Variants in HTR6 observed in about 807,000 individuals in gnomAD.
HTR6 encodes the protein 5-hydroxytryptamine (serotonin) receptor 6, G protein-coupled.
A neutral mutation model predicts 17.4 loss-of-function variants in HTR6; 15 were observed. The observed-to-expected ratio is 0.86, with a 90% CI of 0.58 to 1.33. The LOEUF (loss-of-function observed/expected upper bound fraction) is 1.33. Among genes scored for constraint, HTR6 ranks in the 40% most tolerant of loss-of-function variants. HTR6 has a pLI of 0.00. For synonymous variants in HTR6, 326 were observed against 295.5 expected (o/e 1.10, Z -1.06); for missense variants, 578 against 616.0 (o/e 0.94, Z 0.65).
chr1:19,665,831 C>A lies in HTR6; in HGVS notation c.78C>A (p.Ser26Arg). 1 of 1,564,432 alleles carries A rather than the reference C, an allele frequency of 6.4e-7. No homozygotes were observed. Among genetic ancestry groups the A allele is most frequent in the South Asian group, 1.2e-5 (1 of 85,190 alleles). ...GAGPPSAPGGSGWVAAALCVV... is the reference protein window; with the variant it reads ...GAGPPSAPGGRGWVAAALCVV... ...GGCCGCCGTCGGCCCCGGGGGGCAG[C>A]GGCTGGGTGGCGGCCGCGCTGTGCG... Residue 26 changes from serine to arginine, a missense_variant, in exon 1 of 3, where the codon AGC becomes AGA. By Grantham distance (110) the Ser-to-Arg change is moderately radical. Transcript: ENST00000289753. This position sits in a 1 kb window ranked among gnomAD's most constrained non-coding sequence, Gnocchi z 4.2.
At chr1:19,676,234 G>T (rs560708327) in intron 1 of HTR6, among the ~76,000 whole-genome samples, 1 of 152,094 alleles carries the variant, frequency 6.6e-6, no homozygotes, top group Admixed American at 6.6e-5. Context: ...TCACAGCGAC[G>T]CCGTAAGCTG....
chr1:19,678,806 AG>A (rs1340410244), intron 2 of HTR6, 81 bp downstream of exon 2: 1 of 1,562,252 alleles, frequency 6.4e-7, no homozygotes, highest in East Asian at 2.3e-5. Context: ...GGGACAGGGG[AG>A]GGTAGGCTGC....
Position 19,679,150 on chromosome 1 carries a change from G to C in HTR6, c.1105G>C (p.Val369Leu), listed in dbSNP as rs901168777. ...CCGGCCCGGCCTTAGCCTACAGCAG[G>C]TGCTGCCGCTGCCCCTGCCGCCGGA... ...GPRPGLSLQQ[V>L]LPLPLPPDSD... Residue 369 changes from valine to leucine, a missense_variant, in exon 3 of 3, where the codon GTG becomes CTG. By Grantham distance (32) the Val-to-Leu change is conservative (BLOSUM62 1). Transcript: ENST00000289753. The surrounding 1 kb of genome is among the most constrained non-coding windows in gnomAD (Gnocchi z 4.9). 9 of 1,605,454 alleles carry C rather than the reference G, an allele frequency of 5.6e-6. No homozygotes were observed. The highest frequency in any genetic ancestry group is 1.3e-5 in the African/African-American group (1 of 74,736).
chr1:19,679,806 A>G lies in HTR6; in HGVS notation c.*438A>G, dbSNP rs2095099575. 6.6e-6 allele frequency among the ~76,000 whole-genome samples: 1 copy of G among 152,186 alleles called. No individual in the cohort carries two copies. On this transcript the variant is annotated 3_prime_UTR_variant, in exon 3 of 3. Transcript: ENST00000289753. This position sits in a 1 kb window ranked among gnomAD's most constrained non-coding sequence, Gnocchi z 4.9. ...TCCATGGACAATCGGCATTGCCGTC[A>G]CCTTTGGGAGTTTGTGAAAAATGCA...
At position 19,679,358 on chromosome 1, in the gene HTR6, C is replaced by A; in HGVS notation, c.1313C>A (p.Pro438His). The change falls in exon 3 of 3, where the codon CCC becomes CAC. Residue 438 changes from proline (P) to histidine (H), a missense_variant. Physicochemically the swap from Pro to His is moderately conservative, Grantham distance 77. Coordinates refer to ENST00000289753, the MANE Select transcript of HTR6 (RefSeq NM_000871.3). The surrounding 1 kb of genome is among the most constrained non-coding windows in gnomAD (Gnocchi z 4.9). ...CTGCGGCCGCATCCACTTGGCATCCCCACGAACTGACCCGGGCTTGGGGCT... is the reference window on the plus strand; with the variant it reads ...CTGCGGCCGCATCCACTTGGCATCCACACGAACTGACCCGGGCTTGGGGCT... ...PELRPHPLGI[P>H]TN 2 of 1,590,230 alleles carry A rather than the reference C, an allele frequency of 1.3e-6. No individual in the cohort carries two copies. The highest frequency in any genetic ancestry group is 4.5e-5 in the East Asian group (2 of 44,404).
At chr1:19,669,496 G>A (rs2095085261) in intron 1 of HTR6, among the ~76,000 whole-genome samples, 1 of 152,214 alleles carries the variant, frequency 6.6e-6, no homozygotes, top group Non-Finnish European at 1.5e-5. Flanking sequence ...TTTAAGCTCG[G>A]ATCTGGCTGG....
At chr1:19,675,032 C>T (rs915453466) in intron 1 of HTR6, among the ~76,000 whole-genome samples, 2 of 152,208 alleles carry the variant, frequency 1.3e-5, no homozygotes, top group Non-Finnish European at 2.9e-5. Context: ...CCATTGGCTT[C>T]TGCTCCATGA....
At chr1:19,672,135 C>A (rs1324175856) in intron 1 of HTR6, among the ~76,000 whole-genome samples, 1 of 151,630 alleles carries the variant, frequency 6.6e-6, no homozygotes, top group Non-Finnish European at 1.5e-5. Flanking sequence ...AGAGGCCCAG[C>A]CTCCTCCTCT....
chr1:19,675,971 T>C (rs1427221982), intron 1 of HTR6, among the ~76,000 whole-genome samples: 2 of 152,138 alleles, frequency 1.3e-5, no homozygotes, highest in Non-Finnish European at 2.9e-5. Flanking sequence ...GACTCGTGTA[T>C]GATGGGGTGG....
In HTR6 at chr1:19,679,608, T is replaced by C; in HGVS notation, c.*240T>C. ...TCCACTGTTGAGTGTAACTTGTGTG[T>C]GCAGAGGATGGGCTGGAGGACTCTG... On this transcript the variant is annotated 3_prime_UTR_variant, in exon 3 of 3. Coordinates refer to ENST00000289753, the MANE Select transcript of HTR6 (RefSeq NM_000871.3). This position sits in a 1 kb window ranked among gnomAD's most constrained non-coding sequence, Gnocchi z 4.9. 3.7e-6 allele frequency: 2 copies of C among 545,238 alleles called. No homozygotes were observed. Among genetic ancestry groups the C allele is most frequent in the Non-Finnish European group, 6.2e-6 (2 of 322,758 alleles). The allele number at this position is 545,238 out of a possible 1,614,324, so 33.8% of individuals were successfully genotyped here.
chr1:19,677,748 T>A (rs1443019603), intron 1 of HTR6, among the ~76,000 whole-genome samples: 1 of 152,192 alleles, frequency 6.6e-6, no homozygotes, highest in Admixed American at 6.5e-5. Flanking sequence ...TTTGTGTGTG[T>A]CTGTGTGTGT....
At chr1:19,678,883 C>A in intron 2 of HTR6, 36 bp from the exon 3 acceptor site, 1 of 1,566,428 alleles carries the variant, frequency 6.4e-7, no homozygotes. Context: ...TGGGTCCCTG[C>A]CCTGGGACCA....
chr1:19,669,877 C>T (rs2095085830), intron 1 of HTR6, among the ~76,000 whole-genome samples: 1 of 152,204 alleles, frequency 6.6e-6, no homozygotes, highest in Admixed American at 6.5e-5. Flanking sequence ...CTTACGTGAT[C>T]TGCTAGCCTC....
chr1:19,669,647 T>C (rs2095085455), intron 1 of HTR6, among the ~76,000 whole-genome samples: 1 of 152,212 alleles, frequency 6.6e-6, no homozygotes, highest in African/African-American at 2.4e-5. Context: ...GCCTGAGCCA[T>C]GGCATCCCTA....
rs368096897 is a variant in HTR6 at position 19,678,564 on chromosome 1, C to A, written c.715-3C>A. 2 of 1,612,234 alleles carry A rather than the reference C, an allele frequency of 1.2e-6. No homozygotes were observed. The highest frequency in any genetic ancestry group is 1.7e-6 in the Non-Finnish European group (2 of 1,179,942). ...CGGACTCATGTGGCCTTCCTTTCCG[C>A]AGGTGCCCAGGACCCCACGCCCAGG... On this transcript the variant is annotated splice_polypyrimidine_tract_variant and splice_region_variant and intron_variant, in intron 1 of 2. Coordinates refer to ENST00000289753, the MANE Select transcript of HTR6 (RefSeq NM_000871.3).
chr1:19,677,769 C>T (rs927222892), intron 1 of HTR6, among the ~76,000 whole-genome samples: 25 of 152,164 alleles, frequency 1.6e-4, no homozygotes, highest in African/African-American at 3.6e-4. Context: ...GACAGAGTCT[C>T]GCTCTGTCAC....
intron 1 of HTR6, among the ~76,000 whole-genome samples, chr1:19,673,659 T>C (rs937699949): frequency 3.2e-4 from 49 of 152,134 alleles, no homozygotes; most frequent in African/African-American, 1.1e-3. Flanking sequence ...GATCGCGCCA[T>C]TGCACTCCAG....
chr1:19,677,606 G>A (rs1378687626), intron 1 of HTR6, among the ~76,000 whole-genome samples: 5 of 152,202 alleles, frequency 3.3e-5, no homozygotes, highest in Admixed American at 1.3e-4. Flanking sequence ...TTTCTATTTT[G>A]TGGGGCTCAA....
intron 1 of HTR6, among the ~76,000 whole-genome samples, chr1:19,675,044 G>T (rs2095092659): frequency 6.6e-6 from 1 of 152,170 alleles, no homozygotes. Context: ...GCTCCATGAG[G>T]GCCTCTTGCT....
Sources: allele counts gnomAD v4.1 joint callset (sites outside exome capture counted in the v4.1 genomes callset), GRCh38; gene constraint gnomAD v4.1.1; non-coding constraint Gnocchi (gnomAD v3.1); transcripts MANE v1.5; gene names NCBI Gene and HGNC (gene_info 2026-07-23, HGNC 2026-07-21).